The following EFHC2 variants were observed in gnomAD, a reference collection of about 807,000 sequenced individuals.
EFHC2 encodes EF-hand domain containing 2, also known as EF-hand domain-containing family member C2.
Under a neutral mutation model 52.7 loss-of-function variants are expected in EFHC2, and 18 were observed. The observed-to-expected ratio is 0.34, with a 90% CI of 0.24 to 0.51. The LOEUF (loss-of-function observed/expected upper bound fraction) is 0.51. Ranked by LOEUF, EFHC2 falls within the 20% of genes least tolerant of loss-of-function variation. The pLI is 0.97. For synonymous variants in EFHC2, 203 were observed against 204.1 expected (o/e 0.99, Z 0.04); for missense variants, 513 against 562.5 (o/e 0.91, Z 0.89).
At chrX:44,221,676 C>T (rs905554419) in intron 11 of EFHC2, among the ~76,000 whole-genome samples, 3 of 111,684 alleles carry the variant, frequency 2.7e-5, no homozygotes, top group Non-Finnish European at 5.7e-5. Context: ...AATCTAACAA[C>T]AGCAAGAGCA....
intron 1 of EFHC2, among the ~76,000 whole-genome samples, chrX:44,332,107 G>A (rs1040579373): frequency 1.8e-5 from 2 of 109,778 alleles, no homozygotes; most frequent in Non-Finnish European, 3.8e-5. Flanking sequence ...ACTAGGAGAG[G>A]CTCTACTCAC....
chrX:44,242,807 C>T (rs1228516440), intron 7 of EFHC2, among the ~76,000 whole-genome samples: 1 of 110,816 alleles, frequency 9.0e-6, no homozygotes. Flanking sequence ...CCATTGCCTC[C>T]AAAGTAACTC....
chrX:44,207,041 T>C (rs936517680), intron 11 of EFHC2, among the ~76,000 whole-genome samples: 3 of 111,498 alleles, frequency 2.7e-5, no homozygotes, highest in Non-Finnish European at 5.7e-5. Flanking sequence ...TGGAAAAGAA[T>C]AGAGAACTCA....
intron 2 of EFHC2, among the ~76,000 whole-genome samples, chrX:44,274,717 C>T (rs186963618): frequency 1.8e-5 from 2 of 110,037 alleles, no homozygotes; most frequent in African/African-American, 3.3e-5. Flanking sequence ...AATGAGACCC[C>T]GTTTTTACAA....
In EFHC2 at chrX:44,235,382, A is replaced by G. The variant is rs2037311098; in HGVS notation, c.1346T>C (p.Leu449Ser). The G allele has an allele frequency of 1.2e-5, 14 of 1,194,768 alleles. No homozygotes were observed. Among genetic ancestry groups the G allele is most frequent in the Non-Finnish European group, 1.6e-5 (14 of 886,514 alleles). ...AKLVTDKCVD[L>S]DRMFVISYYL... ...ATATGAAATAACAAACATCCTGTCC[A>G]AGTCAACACATTTGTCTGTGACTAG... is the stretch of plus-strand genomic sequence containing the variant. Residue 449 changes from leucine to serine, a missense_variant, in exon 9 of 15, where the codon TTG (leucine) becomes TCG (serine). Transcript: ENST00000420999.
intron 7 of EFHC2, among the ~76,000 whole-genome samples, chrX:44,246,632 C>A (rs907136769): frequency 9.9e-5 from 11 of 111,093 alleles, no homozygotes; most frequent in Non-Finnish European, 1.9e-4. Flanking sequence ...ATACATTTAC[C>A]CAGGATGGCT....
chrX:44,149,474 T>C lies in EFHC2; in HGVS notation c.2149-578A>G, dbSNP rs907465275. On this transcript the variant is annotated intron_variant, in intron 14 of 14. Coordinates refer to ENST00000420999, the MANE Select transcript of EFHC2 (RefSeq NM_025184.4). ...TTGTTATGCAGCATGAATACGCTGA[T>C]AGATCCTCCTATACTTTCTTAAGAA... Among the ~76,000 whole-genome samples, 3 of 112,544 alleles carry C rather than the reference T, an allele frequency of 2.7e-5. No individual in the cohort carries two copies. The Admixed American group carries it at 2.8e-4, about 11-fold the overall frequency.
At chrX:44,235,863 CCA>C (rs1409792483) in intron 8 of EFHC2, among the ~76,000 whole-genome samples, 1 of 112,284 alleles carries the variant, frequency 8.9e-6, no homozygotes, top group Non-Finnish European at 1.9e-5. Context: ...CCCCCATTCA[CCA>C]CTCACTGTCT....
At chrX:44,152,867 G>C (rs939189434) in intron 14 of EFHC2, among the ~76,000 whole-genome samples, 4 of 111,820 alleles carry the variant, frequency 3.6e-5, no homozygotes, top group Non-Finnish European at 7.5e-5. Flanking sequence ...TTGCTCTTAA[G>C]TGATGTTTGT....
intron 8 of EFHC2, among the ~76,000 whole-genome samples, chrX:44,239,434 C>T (rs1345373873): frequency 8.9e-6 from 1 of 112,371 alleles, no homozygotes; most frequent in Non-Finnish European, 1.9e-5. Flanking sequence ...AAGCTGGCCC[C>T]TGCCCTCAAG....
chrX:44,332,774 T>C (rs984831254), intron 1 of EFHC2, among the ~76,000 whole-genome samples: 3 of 111,245 alleles, frequency 2.7e-5, no homozygotes, highest in South Asian at 7.7e-4. Flanking sequence ...TCCCTCAGCA[T>C]GGTGCAAGAG....
intron 6 of EFHC2, 72 bp downstream of exon 6, chrX:44,248,731 G>A (rs2037419470): frequency 1.7e-5 from 14 of 835,257 alleles, no homozygotes; most frequent in Non-Finnish European, 2.5e-5. Flanking sequence ...AGAAGAGTAC[G>A]TAACTCGCCC....
chrX:44,190,587 T>C (rs1416701713), intron 11 of EFHC2, among the ~76,000 whole-genome samples: 2 of 111,564 alleles, frequency 1.8e-5, no homozygotes, highest in Admixed American at 9.5e-5. Flanking sequence ...TTTTCATGTA[T>C]TGTTACCATT....
intron 11 of EFHC2, among the ~76,000 whole-genome samples, chrX:44,181,978 T>A (rs1053692573): frequency 1.8e-5 from 2 of 112,396 alleles, no homozygotes; most frequent in Non-Finnish European, 3.8e-5. Flanking sequence ...ATTTGTGACA[T>A]TTAGTATATT....
Position 44,159,180 on chromosome X carries a change from T to G in EFHC2, c.2148+4742A>C, listed in dbSNP as rs745394783. 3.6e-5 allele frequency among the ~76,000 whole-genome samples: 4 copies of G among 111,417 alleles called. No individual in the cohort carries two copies. In the East Asian group the frequency reaches 1.1e-3, roughly 32 times the overall value. ...CCCATTCTTCTTTTTTTCCCCCACCTTCCATGGGAGTTGATCCCAAGGACA... is the reference window on the plus strand; with the variant it reads ...CCCATTCTTCTTTTTTTCCCCCACCGTCCATGGGAGTTGATCCCAAGGACA... On this transcript the variant is annotated intron_variant, in intron 14 of 14. Transcript: ENST00000420999.
chrX:44,329,761 C>G (rs1047355816), intron 1 of EFHC2, among the ~76,000 whole-genome samples: 2 of 108,687 alleles, frequency 1.8e-5, no homozygotes, highest in African/African-American at 6.7e-5. Context: ...CCCCACCACA[C>G]CGGGCTTTTT....
intron 2 of EFHC2, among the ~76,000 whole-genome samples, chrX:44,302,770 C>T (rs1320653541): frequency 1.8e-5 from 2 of 111,931 alleles, no homozygotes; most frequent in Admixed American, 9.5e-5. Flanking sequence ...TCTTTTATGA[C>T]ATGGTAATAG....
At chrX:44,294,518 T>A (rs1189978431) in intron 2 of EFHC2, among the ~76,000 whole-genome samples, 1 of 111,094 alleles carries the variant, frequency 9.0e-6, no homozygotes, top group Non-Finnish European at 1.9e-5. Context: ...TTAATGGGAT[T>A]TTAATGATCC....
At chrX:44,301,281 T>C (rs1248982739) in intron 2 of EFHC2, among the ~76,000 whole-genome samples, 1 of 108,774 alleles carries the variant, frequency 9.2e-6, no homozygotes, top group Non-Finnish European at 1.9e-5. Context: ...CTCCCTATGA[T>C]TTCCAACCTG....
Sources: gnomAD v4.1 joint callset for allele counts (sites outside exome capture counted in the v4.1 genomes callset) on GRCh38, gnomAD v4.1.1 for gene constraint, MANE v1.5 for transcripts, NCBI Gene and HGNC (gene_info 2026-07-23, HGNC 2026-07-21) for gene names.